USP14: variants seen among roughly 807,000 people sequenced by gnomAD.
USP14 encodes ubiquitin specific peptidase 14.
A neutral mutation model predicts 76.5 loss-of-function variants in USP14; 38 were observed. That is an observed-to-expected ratio of 0.50 (90% confidence interval 0.38 to 0.65). The LOEUF (loss-of-function observed/expected upper bound fraction) is 0.65. USP14 is among the 30% of genes least tolerant of loss of function. The pLI, the probability that USP14 is intolerant of heterozygous loss-of-function variation, is 0.00. For synonymous variants in USP14, 192 were observed against 191.7 expected (o/e 1.00, Z -0.01); for missense variants, 467 against 586.5 (o/e 0.80, Z 2.10).
At chr18:195,381 T>TGTG (rs1555602043) in intron 6 of USP14, among the ~76,000 whole-genome samples, 1 of 151,648 alleles carries the variant, frequency 6.6e-6, no homozygotes, top group Non-Finnish European at 1.5e-5. Flanking sequence ...GCTAAGATGC[T>TGTG]GTATTTGGTG....
intron 10 of USP14, among the ~76,000 whole-genome samples, chr18:200,450 C>T (rs565924266): frequency 5.3e-5 from 8 of 152,320 alleles, no homozygotes; most frequent in Non-Finnish European, 1.5e-5. Flanking sequence ...TCTGCCATTG[C>T]ACTGTCTTGC....
In USP14 at chr18:180,248, T is replaced by G. The variant is rs1472749014; in HGVS notation, c.313T>G (p.Cys105Gly). ...EQLASAMELPCGLTNLGNTCY... is the reference protein window; with the variant it reads ...EQLASAMELPGGLTNLGNTCY... Reference sequence around the variant, plus strand: ...TTTTTCCAACTAGATGGAGTTACCATGTGGATTGACAAACCTTGGTAACAC... The same window carrying G: ...TTTTTCCAACTAGATGGAGTTACCAGGTGGATTGACAAACCTTGGTAACAC... Residue 105 changes from cysteine (C) to glycine (G), a missense_variant, in exon 5 of 16, where the codon TGT becomes GGT. Coordinates refer to ENST00000261601, the MANE Select transcript of USP14 (RefSeq NM_005151.4). 2.6e-6 allele frequency: 4 copies of G among 1,539,518 alleles called. No individual in the cohort carries two copies. The highest frequency in any genetic ancestry group is 1.7e-6 in the Non-Finnish European group (2 of 1,146,864).
chr18:180,707 C>G (rs1215597622), intron 5 of USP14, among the ~76,000 whole-genome samples: 2 of 152,212 alleles, frequency 1.3e-5, no homozygotes, highest in Non-Finnish European at 2.9e-5. Context: ...TAACTTCTTT[C>G]ATTTGGCATG....
chr18:202,145 T>C (rs1438744964), intron 10 of USP14, among the ~76,000 whole-genome samples: 1 of 152,274 alleles, frequency 6.6e-6, no homozygotes, highest in Non-Finnish European at 1.5e-5. Flanking sequence ...GTAGTGCTAA[T>C]TCTTTCTGTG....
intron 5 of USP14, among the ~76,000 whole-genome samples, chr18:183,401 AC>A (rs1909838554): frequency 6.6e-6 from 1 of 151,478 alleles, no homozygotes; most frequent in African/African-American, 2.4e-5. Flanking sequence ...CTCAGTGAGC[AC>A]TTTTAGTCTG....
At chr18:195,108 C>G (rs1019092245) in intron 6 of USP14, among the ~76,000 whole-genome samples, 4 of 150,500 alleles carry the variant, frequency 2.7e-5, no homozygotes, top group African/African-American at 4.9e-5. Context: ...TTATTAGTCT[C>G]TTTTAATCTA....
chr18:210,449 C>A lies in USP14; in HGVS notation c.1289C>A (p.Ser430Tyr). 6.2e-7 allele frequency: 1 copy of A among 1,611,958 alleles called. No individual in the cohort carries two copies. Among genetic ancestry groups the A allele is most frequent in the South Asian group, 1.1e-5 (1 of 90,636 alleles). Residue 430 changes from serine to tyrosine, a missense_variant, in exon 15 of 16, where the codon TCT becomes TAT. By Grantham distance (144) the Ser-to-Tyr change is moderately radical. Coordinates refer to ENST00000261601, the MANE Select transcript of USP14 (RefSeq NM_005151.4). ...LQAVLTHQGR[S>Y]SSSGHYVSWV... ...GCAGTACTAACACACCAGGGAAGGT[C>A]TAGTTCTTCAGGTCATTATGTATCA...
At chr18:198,217 T>C (rs565100538) in intron 9 of USP14, 85 bp downstream of exon 9, 1 of 1,211,992 alleles carries the variant, frequency 8.3e-7, no homozygotes, top group East Asian at 2.5e-5. Flanking sequence ...TGATTGGTGG[T>C]GGGTAGAAGA....
intron 5 of USP14, among the ~76,000 whole-genome samples, chr18:191,780 G>C (rs138427514): frequency 3.3e-5 from 5 of 152,160 alleles, no homozygotes; most frequent in African/African-American, 1.2e-4. Flanking sequence ...GCCGATATTG[G>C]GTGATACTAG....
chr18:173,993 C>T (rs985166928), intron 3 of USP14, among the ~76,000 whole-genome samples: 6 of 152,144 alleles, frequency 3.9e-5, no homozygotes, highest in Non-Finnish European at 5.9e-5. Context: ...TCGTCTAAGT[C>T]TTCCAGTTGT....
chr18:197,800 G>T, intron 8 of USP14, 104 bp downstream of exon 8: 1 of 872,484 alleles, frequency 1.1e-6, no homozygotes, highest in East Asian at 2.7e-5. Context: ...CTTATAGGTA[G>T]ATGTGTATTT....
At chr18:168,860 C>T (rs1427500738) in intron 3 of USP14, among the ~76,000 whole-genome samples, 5 of 147,940 alleles carry the variant, frequency 3.4e-5, no homozygotes, top group African/African-American at 1.0e-4. Flanking sequence ...ATCACGAAGT[C>T]GGAGATCGAG....
intron 10 of USP14, among the ~76,000 whole-genome samples, chr18:201,900 C>T (rs545284841): frequency 1.3e-5 from 2 of 152,068 alleles, no homozygotes; most frequent in Non-Finnish European, 2.9e-5. Flanking sequence ...GATATTTTAT[C>T]TTTTGTTCTG....
At chr18:209,180 TTA>T (rs1314962147) in intron 13 of USP14, among the ~76,000 whole-genome samples, 1 of 152,292 alleles carries the variant, frequency 6.6e-6, no homozygotes, top group East Asian at 1.9e-4. Flanking sequence ...CTGTTTTACT[TTA>T]TGTTTTTAAA....
intron 1 of USP14, among the ~76,000 whole-genome samples, chr18:160,228 T>C (rs1298621052): frequency 4.6e-5 from 7 of 152,130 alleles, no homozygotes. Context: ...CGCTTGAACC[T>C]GTGAAGCGGA....
rs556391309 is a variant in USP14, at chr18:198,030, T to A, written c.676-17T>A. On this transcript the variant is annotated splice_polypyrimidine_tract_variant and intron_variant, in intron 8 of 15. Transcript: ENST00000261601. ...AATATTTATATAAAGTTGGAATTTT[T>A]ATTTTAATTTTTGCAGACAGACTCC... is the stretch of plus-strand genomic sequence containing the variant. 6.3e-6 allele frequency: 10 copies of A among 1,595,034 alleles called. No individual in the cohort carries two copies. Among genetic ancestry groups the A allele is most frequent in the Non-Finnish European group, 6.8e-6 (8 of 1,171,290 alleles).
intron 5 of USP14, among the ~76,000 whole-genome samples, chr18:188,458 G>T (rs1020694257): frequency 6.8e-6 from 1 of 147,932 alleles, no homozygotes; most frequent in African/African-American, 2.5e-5. Context: ...AGGATTTTTT[G>T]GGGTCATTTG....
chr18:184,190 AT>A (rs1186211513), intron 5 of USP14, among the ~76,000 whole-genome samples: 1 of 151,916 alleles, frequency 6.6e-6, no homozygotes, highest in African/African-American at 2.4e-5. Context: ...TATTTTTAGT[AT>A]TTTTTCTTTT....
intron 13 of USP14, 96 bp downstream of exon 13, chr18:204,788 T>C (rs1910482934): frequency 1.4e-6 from 2 of 1,413,592 alleles, no homozygotes; most frequent in Non-Finnish European, 1.9e-6. Context: ...TCATTTTTCC[T>C]TCAGAACTAT....
Sources: gnomAD v4.1 joint callset for allele counts (sites outside exome capture counted in the v4.1 genomes callset) on GRCh38, gnomAD v4.1.1 for gene constraint, MANE v1.5 for transcripts, NCBI Gene and HGNC (gene_info 2026-07-23, HGNC 2026-07-21) for gene names.